The following SEM1 variants were observed in gnomAD, a reference collection of about 807,000 sequenced individuals.
SEM1 encodes the protein SEM1 26S proteasome subunit.
SEM1 carries 3 observed loss-of-function variants against 12.7 expected under a neutral mutation model. That is an observed-to-expected ratio of 0.24 (90% CI 0.11 to 0.61). The LOEUF (loss-of-function observed/expected upper bound fraction) is 0.61. SEM1 is among the 20% of genes least tolerant of loss of function. The pLI is 0.88. For synonymous variants in SEM1, 30 were observed against 27.8 expected, an observed-to-expected ratio of 1.08 and a Z score of -0.25; for missense variants, 59 against 81.3, an observed-to-expected ratio of 0.73 and a Z score of 1.06.
intron 2 of SEM1, among the ~76,000 whole-genome samples, chr7:96,683,694 T>A (rs1584860611): frequency 6.6e-6 from 1 of 152,186 alleles, no homozygotes; most frequent in Non-Finnish European, 1.5e-5. Flanking sequence ...TGGAATACTA[T>A]GCAGCCATAA....
intron 2 of SEM1, among the ~76,000 whole-genome samples, chr7:96,586,527 T>C (rs1806643616): frequency 6.6e-6 from 1 of 152,208 alleles, no homozygotes; most frequent in African/African-American, 2.4e-5. Context: ...ACACTGGGTC[T>C]GGTAAGATCA....
At chr7:96,607,854 T>C (rs1807429457) in intron 2 of SEM1, among the ~76,000 whole-genome samples, 1 of 152,194 alleles carries the variant, frequency 6.6e-6, no homozygotes, top group Admixed American at 6.5e-5. Flanking sequence ...CCAGTCTACT[T>C]CTGGGGCACC....
At chr7:96,578,772 T>C (rs1806290272) in intron 2 of SEM1, among the ~76,000 whole-genome samples, 1 of 152,222 alleles carries the variant, frequency 6.6e-6, no homozygotes, top group South Asian at 2.1e-4. Context: ...AGCAAAATGC[T>C]GCTAATTAAT....
chr7:96,596,979 A>C (rs1807016707), intron 2 of SEM1, among the ~76,000 whole-genome samples: 1 of 152,208 alleles, frequency 6.6e-6, no homozygotes, highest in Non-Finnish European at 1.5e-5. Context: ...GTACATAAGA[A>C]ATGAGCTATA....
chr7:96,582,090 A>G (rs528611500), intron 2 of SEM1, among the ~76,000 whole-genome samples: 5,767 of 147,460 alleles, frequency 0.039, 304 homozygotes, highest in Admixed American at 0.13. Flanking sequence ...CCCATTCAGT[A>G]TGATATTGGC....
At chr7:96,492,788 TG>T (rs2117228167) in intron 1 of SEM1, among the ~76,000 whole-genome samples, 1 of 150,756 alleles carries the variant, frequency 6.6e-6, no homozygotes, top group Admixed American at 6.6e-5. Context: ...TGTGTGTGTG[TG>T]TTTGTGTACA....
intron 1 of SEM1, among the ~76,000 whole-genome samples, chr7:96,705,074 G>A (rs1365448962): frequency 1.3e-5 from 2 of 152,088 alleles, no homozygotes; most frequent in Non-Finnish European, 2.9e-5. Context: ...AGGTGATAAT[G>A]CCTCATTTAT....
At chr7:96,576,804 C>T (rs58147901) in intron 2 of SEM1, among the ~76,000 whole-genome samples, 5,747 of 152,080 alleles carry the variant, frequency 0.038, 347 homozygotes, top group African/African-American at 0.13. Context: ...AAAAACCTTC[C>T]TAATATAGAA....
intron 2 of SEM1, among the ~76,000 whole-genome samples, chr7:96,653,386 T>A (rs997494253): frequency 6.6e-6 from 1 of 152,238 alleles, no homozygotes; most frequent in African/African-American, 2.4e-5. Context: ...GATAATTGCC[T>A]AGCTCTTGAG....
downstream of SEM1, among the ~76,000 whole-genome samples, chr7:96,686,384 T>G (rs1343162316): frequency 6.6e-6 from 1 of 152,080 alleles, no homozygotes; most frequent in East Asian, 1.9e-4. Flanking sequence ...TTAAAGCCTC[T>G]GCTCAACTCC....
At chr7:96,619,382 T>C (rs1807820199), downstream of SEM1, among the ~76,000 whole-genome samples, 1 of 150,688 alleles carries the variant, frequency 6.6e-6, no homozygotes, top group Non-Finnish European at 1.5e-5. Context: ...GGTATCTGAT[T>C]TTCTTAGTGA....
At chr7:96,548,536 T>G (rs1410053446) in intron 2 of SEM1, among the ~76,000 whole-genome samples, 2 of 152,162 alleles carry the variant, frequency 1.3e-5, no homozygotes, top group African/African-American at 4.8e-5. Context: ...ACTTTAGAAC[T>G]GTATTATTTG....
intron 2 of SEM1, among the ~76,000 whole-genome samples, chr7:96,548,733 C>A (rs78729035): frequency 0.013 from 1,986 of 152,222 alleles, 39 homozygotes; most frequent in African/African-American, 0.046. Context: ...GTACTTTCCC[C>A]GTTTTGCCCA....
At chr7:96,628,702 CTT>C (rs1808152280) in intron 2 of SEM1, among the ~76,000 whole-genome samples, 1 of 152,072 alleles carries the variant, frequency 6.6e-6, no homozygotes, top group South Asian at 2.1e-4. Flanking sequence ...TTACAATATT[CTT>C]TGTTTTTCTT....
At chr7:96,613,280 C>T (rs1390156279) in intron 2 of SEM1, among the ~76,000 whole-genome samples, 1 of 152,144 alleles carries the variant, frequency 6.6e-6, no homozygotes, top group Non-Finnish European at 1.5e-5. Context: ...TTTTAATATT[C>T]TTGATCTATA....
chr7:96,630,573 G>C (rs1416398018), intron 2 of SEM1, among the ~76,000 whole-genome samples: 1 of 152,170 alleles, frequency 6.6e-6, no homozygotes, highest in Non-Finnish European at 1.5e-5. Flanking sequence ...TGCCATCCAA[G>C]AGCCAACTCC....
chr7:96,540,692 G>A (rs1248641056), intron 2 of SEM1, among the ~76,000 whole-genome samples: 1 of 151,796 alleles, frequency 6.6e-6, no homozygotes, highest in East Asian at 1.9e-4. Context: ...TGATGCTGAG[G>A]TTTGAGGTAC....
downstream of SEM1, among the ~76,000 whole-genome samples, chr7:96,620,907 C>T (rs1265151864): frequency 6.6e-6 from 1 of 152,064 alleles, no homozygotes; most frequent in East Asian, 1.9e-4. Flanking sequence ...TTTTTATTTA[C>T]CTGTTGAGTG....
chr7:96,631,076 C>T (rs1231850267), intron 2 of SEM1, among the ~76,000 whole-genome samples: 1 of 151,968 alleles, frequency 6.6e-6, no homozygotes, highest in Non-Finnish European at 1.5e-5. Context: ...TCTTTTGGAG[C>T]CACAAGCTGT....
Sources: gnomAD v4.1 joint callset for allele counts (sites outside exome capture counted in the v4.1 genomes callset) on GRCh38, gnomAD v4.1.1 for gene constraint, MANE v1.5 for transcripts, NCBI Gene and HGNC (gene_info 2026-07-23, HGNC 2026-07-21) for gene names.